The following ARID4B variants were observed in gnomAD, a reference collection of about 807,000 sequenced individuals.
The protein encoded by ARID4B is AT-rich interaction domain 4B, also known as AT-rich interactive domain-containing protein 4B.
A neutral mutation model predicts 147.5 loss-of-function variants in ARID4B; 26 were observed. The observed-to-expected ratio is 0.18, with a 90% CI of 0.13 to 0.24. The LOEUF is 0.24. ARID4B is among the 10% of genes least tolerant of loss of function. The probability of loss-of-function intolerance (pLI) is 1.00; values close to 1 mark genes in which losing one functional copy is unlikely to be tolerated. For synonymous variants in ARID4B, 512 were observed against 507.9 expected (o/e 1.01, Z -0.11); for missense variants, 1,179 against 1,511.5 (o/e 0.78, Z 3.65).
rs144321384 is a variant in ARID4B, at chr1:235,190,534, T to C, written c.2125+3479A>G. ...CAAGTCACATACAAAGAATCAGGAA[T>C]TGGAAGAGCTCTGGACTTCACAAAA... On this transcript the variant is annotated intron_variant, in intron 19 of 23. Transcript: ENST00000264183. Among the ~76,000 whole-genome samples, 36 of 150,942 alleles carry C rather than the reference T, an allele frequency of 2.4e-4. 1 individual carries two copies. In the East Asian group the frequency reaches 6.0e-3, roughly 25 times the overall value.
chr1:235,185,225 T>C (rs1664593875), intron 19 of ARID4B, among the ~76,000 whole-genome samples: 1 of 152,224 alleles, frequency 6.6e-6, no homozygotes, highest in South Asian at 2.1e-4. Context: ...TCTTTCATTT[T>C]TACAATATAG....
intron 23 of ARID4B, among the ~76,000 whole-genome samples, chr1:235,170,094 A>C (rs1663236146): frequency 6.6e-6 from 1 of 152,220 alleles, no homozygotes; most frequent in Non-Finnish European, 1.5e-5. Flanking sequence ...CTAATCACCC[A>C]AATTCCCTTC....
chr1:235,224,175 C>T (rs1667680173), intron 12 of ARID4B, among the ~76,000 whole-genome samples: 1 of 152,180 alleles, frequency 6.6e-6, no homozygotes, highest in Non-Finnish European at 1.5e-5. Flanking sequence ...TAGAAAGCCT[C>T]TCCTTACTCC....
intron 8 of ARID4B, among the ~76,000 whole-genome samples, chr1:235,239,663 A>G (rs1443871588): frequency 6.6e-6 from 1 of 152,244 alleles, no homozygotes; most frequent in Non-Finnish European, 1.5e-5. Context: ...AGTTTGAAAT[A>G]CAAGAACTTG....
intron 21 of ARID4B, among the ~76,000 whole-genome samples, chr1:235,176,436 C>CAAAAA (rs1558168854): frequency 2.7e-5 from 1 of 36,520 alleles, no homozygotes; most frequent in Non-Finnish European, 4.9e-5. Context: ...AACAACATCA[C>CAAAAA]CAAAAAAAAA....
At chr1:235,302,040 C>A (rs867839047) in intron 2 of ARID4B, among the ~76,000 whole-genome samples, 4 of 149,442 alleles carry the variant, frequency 2.7e-5, no homozygotes, top group Admixed American at 6.8e-5. Flanking sequence ...CGCCATGTTG[C>A]CCAACCTGGT....
intron 6 of ARID4B, among the ~76,000 whole-genome samples, chr1:235,250,654 A>G (rs1036126891): frequency 6.6e-6 from 1 of 152,132 alleles, no homozygotes; most frequent in African/African-American, 2.4e-5. Context: ...CCCGGTACCT[A>G]GCACTACACA....
chr1:235,304,893 T>C (rs774052347), intron 2 of ARID4B, among the ~76,000 whole-genome samples: 7 of 152,196 alleles, frequency 4.6e-5, no homozygotes, highest in Admixed American at 1.3e-4. Context: ...TCTCATTTTA[T>C]AGCGAGGCCT....
chr1:235,231,634 A>C (rs535673171), intron 9 of ARID4B, among the ~76,000 whole-genome samples: 7 of 152,218 alleles, frequency 4.6e-5, no homozygotes, highest in Non-Finnish European at 1.0e-4. Flanking sequence ...TTACAGGCAC[A>C]TGCCACTACC....
chr1:235,236,833 A>AAAAAAAAAAAATATATATATATAT (rs1175189621), intron 8 of ARID4B, among the ~76,000 whole-genome samples: 2 of 33,522 alleles, frequency 6.0e-5, no homozygotes, highest in Non-Finnish European at 9.3e-5. Flanking sequence ...TTTTATAAAA[A>AAAAAAAAAAAATATATATATATAT]ATATATATAT....
chr1:235,302,001 CTT>C (rs1373106249), intron 2 of ARID4B, among the ~76,000 whole-genome samples: 3 of 151,226 alleles, frequency 2.0e-5, no homozygotes, highest in African/African-American at 7.3e-5. Context: ...CCAACTAACT[CTT>C]TTATATTTTT....
At position 235,177,834 on chromosome 1, in the gene ARID4B, T is replaced by C; in HGVS notation, c.3414A>G (p.Ala1138=). The change falls in exon 21 of 24, where the codon GCA becomes GCG. Residue 1138 remains alanine (A), a synonymous_variant. Coordinates refer to ENST00000264183, the MANE Select transcript of ARID4B (RefSeq NM_016374.6). ...SSKKQKRSHK[A]TVVNNKKKGK... ...CCTTCTTTTTGTTGTTTACCACTGT[T>C]GCTTTATGGCTTCTTTTCTGCTTTT... 1 of 1,612,874 alleles carries C rather than the reference T, an allele frequency of 6.2e-7. No homozygotes were observed. The highest frequency in any genetic ancestry group is 1.1e-5 in the South Asian group (1 of 90,944).
At chr1:235,180,798 GAA>G (rs1378339486) in intron 20 of ARID4B, 2 of 152,436 alleles carry the variant, frequency 1.3e-5, no homozygotes, top group Non-Finnish European at 2.9e-5. Flanking sequence ...CTTTACGATG[GAA>G]AAGTGTGTTC....
intron 2 of ARID4B, among the ~76,000 whole-genome samples, chr1:235,318,337 G>A (rs550873570): frequency 1.3e-4 from 20 of 151,704 alleles, no homozygotes; most frequent in African/African-American, 4.4e-4. Flanking sequence ...CACCACACCC[G>A]GCTAATTTTT....
chr1:235,200,158 A>G (rs1665794603), intron 17 of ARID4B, among the ~76,000 whole-genome samples: 1 of 152,176 alleles, frequency 6.6e-6, no homozygotes, highest in African/African-American at 2.4e-5. Context: ...GTCTCTAACA[A>G]AAAGATAAAA....
chr1:235,235,349 C>A (rs1173445696), intron 8 of ARID4B, among the ~76,000 whole-genome samples: 2 of 152,074 alleles, frequency 1.3e-5, no homozygotes, highest in Admixed American at 1.3e-4. Context: ...GGTCTGGACT[C>A]AAGGATATAA....
chr1:235,167,904 T>C lies in ARID4B; in HGVS notation c.*621A>G. ...AATTTGAAGGGCCATGAAAAGCCAC[T>C]GCAAGACCTTTTAGCCTAATTCAAA... On this transcript the variant is annotated 3_prime_UTR_variant, in exon 24 of 24. Transcript: ENST00000264183. 1 of 197,632 alleles carries C rather than the reference T, an allele frequency of 5.1e-6. No homozygotes were observed. Among genetic ancestry groups the C allele is most frequent in the East Asian group, 8.0e-5 (1 of 12,528 alleles). 12.2% of individuals were successfully genotyped at this position (197,632 alleles called of 1,614,324 possible).
At position 235,175,313 on chromosome 1, in the gene ARID4B, A is replaced by G. The variant is rs1163124231; in HGVS notation, c.3535T>C (p.Ser1179Pro). 1.2e-6 allele frequency: 2 copies of G among 1,613,962 alleles called. No homozygotes were observed. The highest frequency in any genetic ancestry group is 2.2e-5 in the East Asian group (1 of 44,890). Residue 1179 changes from serine (S) to proline (P), a missense_variant, in exon 22 of 24, where the codon TCT becomes CCT. This residue lies in a region of ARID4B where 357 missense variants were observed against 427.3 expected (regional missense o/e 0.84). Transcript: ENST00000264183. ...PVKSVSTGMKSHSTKSPARTQ... is the reference protein window; with the variant it reads ...PVKSVSTGMKPHSTKSPARTQ... ...CTTGCGGGAGATTTGGTACTATGAG[A>G]CTTCATTCCAGTGGAAACTGATTTG...
chr1:235,197,829 A>T (rs1665607276), intron 17 of ARID4B, among the ~76,000 whole-genome samples: 1 of 152,138 alleles, frequency 6.6e-6, no homozygotes, highest in Non-Finnish European at 1.5e-5. Flanking sequence ...TACTAAATAC[A>T]CTCCTTTTGG....
Sources: gnomAD v4.1 joint callset for allele counts (sites outside exome capture counted in the v4.1 genomes callset) on GRCh38, gnomAD v4.1.1 for gene constraint, gnomAD v4.1.1 regional missense constraint, MANE v1.5 for transcripts, NCBI Gene and HGNC (gene_info 2026-07-23, HGNC 2026-07-21) for gene names.